Variants in TTN observed in about 807,000 individuals in gnomAD.
The protein encoded by TTN is titin.
TTN carries 1,525 observed loss-of-function variants against 3,223.0 expected under a neutral mutation model. The ratio of observed to expected loss-of-function variants is 0.47; its 90% confidence interval spans 0.45 to 0.49. The LOEUF is 0.49. Ranked by LOEUF, TTN falls within the 20% of genes least tolerant of loss-of-function variation. The pLI, the probability that TTN is intolerant of heterozygous loss-of-function variation, is 0.00. For missense variants in TTN, 40,786 were observed against 43,424.0 expected, an observed-to-expected ratio of 0.94 and a Z score of 5.40; for synonymous variants, 14,094 against 15,161.0, an observed-to-expected ratio of 0.93 and a Z score of 5.17.
At chr2:178,649,437 C>A in intron 212 of TTN, 106 bp from the exon 213 acceptor site, 1 of 1,349,034 alleles carries the variant, frequency 7.4e-7, no homozygotes, top group Non-Finnish European at 9.9e-7. Context: ...TTAATGAAAG[C>A]AAAATAAGGA....
At chr2:178,684,257 C>T (rs1196037728) in intron 132 of TTN, 73 bp downstream of exon 132, 54 of 1,496,708 alleles carry the variant, frequency 3.6e-5, no homozygotes, top group Non-Finnish European at 4.7e-5. Context: ...AAAAACCAGC[C>T]CCCATAACCA....
At chr2:178,782,632 A>G (rs1241975577) in intron 18 of TTN, 30 bp from the exon 19 acceptor site, 4 of 1,612,632 alleles carry the variant, frequency 2.5e-6, no homozygotes, top group East Asian at 2.2e-5. Flanking sequence ...TCTCATTGAG[A>G]TGAGATGTTT....
chr2:178,711,203 G>C lies in TTN; in HGVS notation c.28033C>G (p.Pro9345Ala). 6.2e-7 allele frequency: 1 copy of C among 1,613,768 alleles called. No individual in the cohort carries two copies. The highest frequency in any genetic ancestry group is 1.3e-5 in the African/African-American group (1 of 74,994). Residue 9345 changes from proline to alanine, a missense_variant, in exon 97 of 363, where the codon CCA becomes GCA. Physicochemically the swap from Pro to Ala is conservative, Grantham distance 27 (BLOSUM62 -1). Transcript: ENST00000589042. ...YKDGKPLKDS[P>A]NVQTSFLDNT... is the part of the protein sequence containing the mutation. ...TCTAAAAATGATGTTTGTACATTTGGGCTGTCTTTCAATGGCTTGCCGTCT... is the reference window on the plus strand; with the variant it reads ...TCTAAAAATGATGTTTGTACATTTGCGCTGTCTTTCAATGGCTTGCCGTCT...
chr2:178,592,029 G>T lies in TTN; in HGVS notation c.59875C>A (p.Arg19959Ser), dbSNP rs564432498. The T allele has an allele frequency of 6.2e-7, 1 of 1,613,106 alleles. No homozygotes were observed. The highest frequency in any genetic ancestry group is 8.5e-7 in the Non-Finnish European group (1 of 1,179,514). Residue 19959 changes from arginine (R) to serine (S), a missense_variant, in exon 302 of 363, where the codon CGT (arginine) becomes AGT (serine). Transcript: ENST00000589042. ...TTTGGTGTTTCAACAAAAGGACCAC[G>T]TCCATACTGGTTCTCCGCAGCTACT... ...FRVAAENQYG[R>S]GPFVETPKPI...
chr2:178,649,271 T>G lies in TTN; in HGVS notation c.40034A>C (p.Lys13345Thr). 1.3e-6 allele frequency: 2 copies of G among 1,501,180 alleles called. No homozygotes were observed. The highest frequency in any genetic ancestry group is 8.8e-7 in the Non-Finnish European group (1 of 1,130,672). 93.0% of individuals were successfully genotyped at this position (1,501,180 alleles called of 1,614,324 possible). A position where few individuals can be genotyped will look rare whatever the true frequency, so the allele number is the denominator to read the frequency against. The change falls in exon 213 of 363, where the codon AAA becomes ACA. Residue 13345 changes from lysine (K) to threonine (T), a missense_variant. Physicochemically the swap from Lys to Thr is moderately conservative, Grantham distance 78. Transcript: ENST00000589042. The part of the protein sequence containing the change: ...VKKEPVPVTK[K>T]PEVLPEKVPK... ...ACCTTTTTCTGGAAGAACTTCTGGT[T>G]TTTTGGTAACAGGCACAGGTTCTTT...
chr2:178,735,833 G>T lies in TTN; in HGVS notation c.14613C>A (p.Asn4871Lys), dbSNP rs1182104962. Reference sequence around the variant, plus strand: ...CTTGGCAGATGTCTGCTCCAAACTTGTTGGAAGCCTTACAAGAATAAACTC... The same window carrying T: ...CTTGGCAGATGTCTGCTCCAAACTTTTTGGAAGCCTTACAAGAATAAACTC... ...DRGVYSCKAS[N>K]KFGADICQAE... Residue 4871 changes from asparagine to lysine, a missense_variant, in exon 50 of 363, where the codon AAC becomes AAA. Coordinates refer to ENST00000589042, the MANE Select transcript of TTN (RefSeq NM_001267550.2). 6.2e-7 allele frequency: 1 copy of T among 1,613,610 alleles called. No homozygotes were observed.
At chr2:178,675,817 G>C (rs1201034162) in intron 148 of TTN, 63 bp from the exon 149 acceptor site, 3 of 1,523,200 alleles carry the variant, frequency 2.0e-6, no homozygotes, top group Non-Finnish European at 2.7e-6. Flanking sequence ...AGTAGACACA[G>C]CAGTAATATA....
intron 133 of TTN, 73 bp downstream of exon 133, chr2:178,683,926 C>T: frequency 8.9e-7 from 1 of 1,124,412 alleles, no homozygotes; most frequent in Non-Finnish European, 1.2e-6. Context: ...CTAATGGAAC[C>T]TATTCCACTA....
rs778464451 is a variant in TTN at position 178,577,411 on chromosome 2, G to C, written c.68924C>G (p.Pro22975Arg). 6.2e-7 allele frequency: 1 copy of C among 1,612,120 alleles called. No individual in the cohort carries two copies. Among genetic ancestry groups the C allele is most frequent in the African/African-American group, 1.3e-5 (1 of 74,726 alleles). The change falls in exon 324 of 363, where the codon CCC becomes CGC. Residue 22975 changes from proline to arginine, a missense_variant. Physicochemically the swap from Pro to Arg is moderately radical, Grantham distance 103. Transcript: ENST00000589042. ...CTTGGACCAACTTGATTTTGGAAGGGGTTTGCCAAGAATGCTAATGGCATT... is the reference window on the plus strand; with the variant it reads ...CTTGGACCAACTTGATTTTGGAAGGCGTTTGCCAAGAATGCTAATGGCATT... ...VLNAISILGK[P>R]LPKSSWSKAG...
rs1306593983 is a variant in TTN at position 178,536,459 on chromosome 2, C to G, written c.100288G>C (p.Glu33430Gln). 6.2e-6 allele frequency: 10 copies of G among 1,606,278 alleles called. No homozygotes were observed. The highest frequency in any genetic ancestry group is 8.5e-6 in the Non-Finnish European group (10 of 1,175,656). ...TTATTCTGCTTCTTCTCACGCTTCT[C>G]AAGGTAGTAATTTCTAATCTTTGCA... ...GGAKIRNYYL[E>Q]KREKKQNKWI... Residue 33430 changes from glutamate to glutamine, a missense_variant, in exon 357 of 363, where the codon GAG becomes CAG. Physicochemically the swap from Glu to Gln is conservative, Grantham distance 29 (BLOSUM62 2). Coordinates refer to ENST00000589042, the MANE Select transcript of TTN (RefSeq NM_001267550.2).
At chr2:178,777,373 C>G in intron 26 of TTN, 47 bp downstream of exon 26, 2 of 1,612,520 alleles carry the variant, frequency 1.2e-6, no homozygotes, top group Non-Finnish European at 1.7e-6. Flanking sequence ...CTGTTTATAA[C>G]CCAAGTGATA....
chr2:178,593,406 T>C lies in TTN; in HGVS notation c.58802A>G (p.Asn19601Ser). The C allele has an allele frequency of 6.2e-7, 1 of 1,613,394 alleles. No homozygotes were observed. The highest frequency in any genetic ancestry group is 1.1e-5 in the South Asian group (1 of 91,066). Residue 19601 changes from asparagine to serine, a missense_variant, in exon 299 of 363, where the codon AAT becomes AGT. Physicochemically the swap from Asn to Ser is conservative, Grantham distance 46. Coordinates refer to ENST00000589042, the MANE Select transcript of TTN (RefSeq NM_001267550.2). ...VTKDSALVTW[N>S]KPHDGGKPIT... ...GGGTTTTCCTCCATCATGTGGCTTA[T>C]TCCAGGTTACTAATGCAGAGTCTTT... is the stretch of plus-strand genomic sequence containing the variant.
In TTN at chr2:178,588,946, G is replaced by A. The variant is rs547604540; in HGVS notation, c.62779C>T (p.Arg20927Cys). The A allele has an allele frequency of 1.8e-5, 29 of 1,612,554 alleles. No homozygotes were observed. Among genetic ancestry groups the A allele is most frequent in the Non-Finnish European group, 2.4e-5 (28 of 1,179,392 alleles). ...TVLTPGTTVT[R>C]LIEGNEYIFR... Reference sequence around the variant, plus strand: ...ATATATTCATTTCCTTCTATGAGACGTGTTACTGTAGTACCAGGTGTCAAG... The same window carrying A: ...ATATATTCATTTCCTTCTATGAGACATGTTACTGTAGTACCAGGTGTCAAG... Residue 20927 changes from arginine (R) to cysteine (C), a missense_variant, in exon 304 of 363, where the codon CGT becomes TGT. Transcript: ENST00000589042.
Position 178,532,032 on chromosome 2 carries a change from A to T in TTN, c.104583T>A (p.Arg34861=). ...CTTCGTATTCCTCAGCCGGTTGTGG[A>T]CGTGACCGGATCAGCTCAGACACTG... The part of the protein sequence containing the change: ...MRPVSELIRS[R]PQPAEEYEDD... The change falls in exon 358 of 363, where the codon CGT becomes CGA. Residue 34861 remains arginine (R), a synonymous_variant. Transcript: ENST00000589042. 1.9e-6 allele frequency: 3 copies of T among 1,613,884 alleles called. No homozygotes were observed. The highest frequency in any genetic ancestry group is 2.5e-6 in the Non-Finnish European group (3 of 1,179,868).
rs1359929309 is a variant in TTN, at chr2:178,546,688, A to G, written c.94740T>C (p.Tyr31580=). 9 of 1,613,696 alleles carry G rather than the reference A, an allele frequency of 5.6e-6. No homozygotes were observed. Among genetic ancestry groups the G allele is most frequent in the East Asian group, 4.5e-5 (2 of 44,886 alleles). The change falls in exon 341 of 363, where the codon TAT becomes TAC. Residue 31580 remains tyrosine (Y), a synonymous_variant. Transcript: ENST00000589042. ...TVTALSEGDT[Y]EFRVLAKNAA... ...CATTCTTGGCTAACACACGGAACTC[A>G]TAAGTGTCTCCTTCACTGAGAGCAG...
chr2:178,729,883 T>C lies in TTN; in HGVS notation c.18370A>G (p.Thr6124Ala). 3 of 1,613,516 alleles carry C rather than the reference T, an allele frequency of 1.9e-6. No individual in the cohort carries two copies. The highest frequency in any genetic ancestry group is 2.5e-6 in the Non-Finnish European group (3 of 1,179,688). ...VLVLRNGQST[T>A]FECQITGTPK... The stretch of plus-strand genomic sequence containing the variant: ...GTGCCTGTTATTTGGCATTCAAATG[T>C]TGTTGACTGTCCATTCCTCAGCACT... Residue 6124 changes from threonine to alanine, a missense_variant, in exon 63 of 363, where the codon ACA (threonine) becomes GCA (alanine). Coordinates refer to ENST00000589042, the MANE Select transcript of TTN (RefSeq NM_001267550.2).
intron 49 of TTN, among the ~76,000 whole-genome samples, chr2:178,736,275 CACTTT>C (rs2081422156): frequency 6.6e-6 from 1 of 152,144 alleles, no homozygotes; most frequent in Non-Finnish European, 1.5e-5. Context: ...AGCAAGACAT[CACTTT>C]ACTTGTCTCT....
intron 8 of TTN, among the ~76,000 whole-genome samples, chr2:178,793,915 C>T (rs111817720): frequency 1.2e-3 from 180 of 152,238 alleles, no homozygotes; most frequent in Middle Eastern, 3.4e-3. Context: ...TATTCAAATG[C>T]GAGGTGGGAC....
intron 47 of TTN, chr2:178,750,916 T>C (rs967209035): frequency 6.2e-7 from 1 of 1,612,914 alleles, no homozygotes; most frequent in African/African-American, 1.3e-5. Context: ...TTTCATTTAC[T>C]AGAATTTCAC....
Sources: gnomAD v4.1 joint callset for allele counts (sites outside exome capture counted in the v4.1 genomes callset) on GRCh38, gnomAD v4.1.1 for gene constraint, MANE v1.5 for transcripts, NCBI Gene and HGNC (gene_info 2026-07-23, HGNC 2026-07-21) for gene names.